Variants in INPP5A observed in about 807,000 individuals in gnomAD.
INPP5A encodes the protein inositol polyphosphate-5-phosphatase A.
In INPP5A, 14 loss-of-function variants were observed where a neutral mutation model predicts 65.2. The ratio of observed to expected loss-of-function variants is 0.21; its 90% CI spans 0.14 to 0.34. The LOEUF (loss-of-function observed/expected upper bound fraction) is 0.34. INPP5A is among the 10% of genes least tolerant of loss of function. INPP5A has a pLI of 1.00. For synonymous variants in INPP5A, 207 were observed against 208.3 expected, an observed-to-expected ratio of 0.99 and a Z score of 0.05; for missense variants, 431 against 545.6, an observed-to-expected ratio of 0.79 and a Z score of 2.09.
At chr10:132,574,696 ATT>A (rs754973521) in intron 1 of INPP5A, among the ~76,000 whole-genome samples, 2 of 103,998 alleles carry the variant, frequency 1.9e-5, no homozygotes, top group Non-Finnish European at 2.1e-5. Context: ...GGGTCTCAGT[ATT>A]TTTTTTTTTT....
intron 2 of INPP5A, among the ~76,000 whole-genome samples, chr10:132,625,861 TG>T (rs1199030584): frequency 6.6e-6 from 1 of 151,554 alleles, no homozygotes; most frequent in African/African-American, 2.4e-5. Flanking sequence ...TGTGTGTGTG[TG>T]TGTGTGTGTG....
rs551979777 is a variant in INPP5A at position 132,575,633 on chromosome 10, C to T, written c.76-32282C>T. The stretch of plus-strand genomic sequence containing the variant: ...TGTGGAAGTGCGTTTATTTGAAATC[C>T]GTAAACAGTGTTTATCTTGGCGAGG... On this transcript the variant is annotated intron_variant, in intron 1 of 15. Transcript: ENST00000368594. This position sits in a 1 kb window ranked among gnomAD's most constrained non-coding sequence, Gnocchi z 5.4. 3.3e-5 allele frequency among the ~76,000 whole-genome samples: 5 copies of T among 152,268 alleles called. No individual in the cohort carries two copies. Among genetic ancestry groups the T allele is most frequent in the South Asian group, 4.2e-4 (2 of 4,810 alleles).
intron 2 of INPP5A, among the ~76,000 whole-genome samples, chr10:132,626,234 G>A (rs192431624): frequency 1.5e-4 from 23 of 152,326 alleles, no homozygotes; most frequent in African/African-American, 4.8e-4. Flanking sequence ...CCCACTCTGC[G>A]CTCCCCACTC....
intron 8 of INPP5A, among the ~76,000 whole-genome samples, chr10:132,718,412 G>A (rs548103349): frequency 4.0e-5 from 6 of 150,678 alleles, no homozygotes; most frequent in East Asian, 2.0e-4. Context: ...ACTGTCTTGC[G>A]GGTTCTGTGG....
chr10:132,596,005 T>C (rs1236157429), intron 1 of INPP5A, among the ~76,000 whole-genome samples: 2 of 152,212 alleles, frequency 1.3e-5, no homozygotes, highest in Non-Finnish European at 2.9e-5. Flanking sequence ...CTTTCTTTCA[T>C]ATGGTGGCTG....
chr10:132,572,071 CT>C (rs2071348454), intron 1 of INPP5A, among the ~76,000 whole-genome samples: 1 of 152,232 alleles, frequency 6.6e-6, no homozygotes, highest in Non-Finnish European at 1.5e-5. Flanking sequence ...CCTCTTGGGA[CT>C]TACACACTGG....
At chr10:132,559,001 C>T (rs1020770111) in intron 1 of INPP5A, among the ~76,000 whole-genome samples, 4 of 152,226 alleles carry the variant, frequency 2.6e-5, no homozygotes, top group African/African-American at 4.8e-5. Flanking sequence ...CCAGACCCAT[C>T]GGCCTCCTCG....
intron 1 of INPP5A, among the ~76,000 whole-genome samples, chr10:132,571,908 G>C (rs2071346026): frequency 1.3e-5 from 2 of 152,190 alleles, no homozygotes; most frequent in Admixed American, 1.3e-4. Context: ...GTTAACGACC[G>C]ACTGGGCTAG....
intron 6 of INPP5A, 29 bp from the exon 7 acceptor site, chr10:132,708,284 C>T (rs534701871): frequency 6.8e-6 from 11 of 1,611,858 alleles, no homozygotes; most frequent in Middle Eastern, 1.7e-4. Flanking sequence ...CTTACTCTGG[C>T]TCATTTGTGT....
At chr10:132,647,115 CTT>C (rs754272955) in intron 3 of INPP5A, among the ~76,000 whole-genome samples, 3 of 142,664 alleles carry the variant, frequency 2.1e-5, no homozygotes, top group Non-Finnish European at 3.1e-5. Flanking sequence ...TTTTTTTTTT[CTT>C]TTTTTTTTTT....
intron 1 of INPP5A, among the ~76,000 whole-genome samples, chr10:132,596,540 G>A (rs2071691286): frequency 6.6e-6 from 1 of 151,820 alleles, no homozygotes; most frequent in Non-Finnish European, 1.5e-5. Flanking sequence ...CGATTCCCCT[G>A]CCTCAGCCTC....
chr10:132,652,511 C>T (rs1056082637), intron 4 of INPP5A, among the ~76,000 whole-genome samples: 1 of 152,236 alleles, frequency 6.6e-6, no homozygotes, highest in East Asian at 1.9e-4. Context: ...GGCCAAGGTC[C>T]GATTGCTGAA....
intron 8 of INPP5A, among the ~76,000 whole-genome samples, chr10:132,718,451 C>T (rs2767456): frequency 0.088 from 12,845 of 145,650 alleles, 568 homozygotes; most frequent in African/African-American, 0.12. Flanking sequence ...GCGCCTTAGA[C>T]GGCTGTCTTC....
chr10:132,708,411 CTT>C (rs781647578), intron 7 of INPP5A, 46 bp downstream of exon 7: 2 of 1,564,054 alleles, frequency 1.3e-6, no homozygotes. Context: ...GTTTCTTACC[CTT>C]TTATATCTTG....
intron 11 of INPP5A, among the ~76,000 whole-genome samples, chr10:132,760,679 G>A (rs1021617455): frequency 1.3e-5 from 2 of 152,224 alleles, no homozygotes; most frequent in Non-Finnish European, 1.5e-5. Context: ...CGGGGTGACT[G>A]TGGCGCAGCG....
At chr10:132,691,787 G>A (rs1845268465) in intron 5 of INPP5A, among the ~76,000 whole-genome samples, 3 of 152,226 alleles carry the variant, frequency 2.0e-5, no homozygotes, top group Admixed American at 6.6e-5. Flanking sequence ...TGTGGACGCG[G>A]GAGACGTGTG....
chr10:132,681,801 A>C (rs1269743655), intron 4 of INPP5A, among the ~76,000 whole-genome samples: 4 of 152,268 alleles, frequency 2.6e-5, no homozygotes, highest in Non-Finnish European at 4.4e-5. Context: ...TAATCAAAGC[A>C]GTATTATTCA....
chr10:132,655,875 G>T (rs952278434), intron 4 of INPP5A, among the ~76,000 whole-genome samples: 1 of 152,252 alleles, frequency 6.6e-6, no homozygotes, highest in East Asian at 1.9e-4. Flanking sequence ...GAGAGGCTGC[G>T]TGGGGCTGCA....
In INPP5A at chr10:132,767,258, G is replaced by GGACACAGGCT. The variant is rs1565009077; in HGVS notation, c.977+1412_977+1413insGACACAGGCT. ...GAGGATGCGGCCTCAGGGAGCTTGG[G>GGACACAGGCT]TGGGAGCCGGAGGATGCGGCTTCAG... On this transcript the variant is annotated intron_variant, in intron 12 of 15. Transcript: ENST00000368594. Among the ~76,000 whole-genome samples, 25 of 25,830 alleles carry GGACACAGGCT rather than the reference G, an allele frequency of 9.7e-4. 3 individuals carry two copies. Among genetic ancestry groups the GGACACAGGCT allele is most frequent in the East Asian group, 3.7e-3 (2 of 538 alleles). 16.9% of individuals were successfully genotyped at this position (25,830 alleles called of 152,430 possible). A position where few individuals can be genotyped will look rare whatever the true frequency, so the allele number is the denominator to read the frequency against.
Sources: allele counts gnomAD v4.1 joint callset (sites outside exome capture counted in the v4.1 genomes callset), GRCh38; gene constraint gnomAD v4.1.1; non-coding constraint Gnocchi (gnomAD v3.1); transcripts MANE v1.5; gene names NCBI Gene and HGNC (gene_info 2026-07-23, HGNC 2026-07-21).